The following GNB5 variants were observed in gnomAD, a reference collection of about 807,000 sequenced individuals.
The protein encoded by GNB5 is guanine nucleotide-binding protein subunit beta-5.
GNB5 carries 37 observed loss-of-function variants against 55.3 expected under a neutral mutation model. The ratio of observed to expected loss-of-function variants is 0.67; its 90% CI spans 0.51 to 0.88. The LOEUF (loss-of-function observed/expected upper bound fraction) is 0.88, where lower values mean the gene tolerates loss of function less well. GNB5 is among the 40% of genes least tolerant of loss of function. The pLI, the probability that GNB5 is intolerant of heterozygous loss-of-function variation, is 0.00. For synonymous variants in GNB5, 219 were observed against 198.5 expected, an observed-to-expected ratio of 1.10 and a Z score of -0.87; for missense variants, 476 against 515.3, an observed-to-expected ratio of 0.92 and a Z score of 0.74.
At chr15:52,155,878 T>C (rs1373559987) in intron 3 of GNB5, among the ~76,000 whole-genome samples, 1 of 152,196 alleles carries the variant, frequency 6.6e-6, no homozygotes, top group Non-Finnish European at 1.5e-5. Flanking sequence ...TACCATTTTA[T>C]CTTTTGTAAT....
chr15:52,173,500 TCTGAAGG>T (rs2034591466), intron 3 of GNB5, among the ~76,000 whole-genome samples: 1 of 152,188 alleles, frequency 6.6e-6, no homozygotes, highest in African/African-American at 2.4e-5. Flanking sequence ...ATACAACATG[TCTGAAGG>T]CTGAAGGCAA....
intron 9 of GNB5, 62 bp from the exon 10 acceptor site, chr15:52,128,306 C>T: frequency 1.0e-6 from 1 of 993,060 alleles, no homozygotes; most frequent in Non-Finnish European, 1.6e-6. Flanking sequence ...CCATCAGAAC[C>T]ATGCTAGGCC....
intron 1 of GNB5, among the ~76,000 whole-genome samples, chr15:52,188,410 ACTT>A (rs1407568149): frequency 6.6e-6 from 1 of 152,160 alleles, no homozygotes; most frequent in African/African-American, 2.4e-5. Flanking sequence ...ACTCAGAGAA[ACTT>A]CTTTTTACAT....
chr15:52,117,089 A>AATTTAT lies in GNB5; in HGVS notation c.*5667_*5668insATAAAT, dbSNP rs1243957202. ...CAGGCACCTGCCACCACGCCCAGCT[A>AATTTAT]ATATATATATATATTTTTTTTTAGT... On this transcript the variant is annotated 3_prime_UTR_variant, in exon 13 of 13. Coordinates refer to ENST00000261837, the MANE Select transcript of GNB5 (RefSeq NM_016194.4). 24 of 85,474 alleles carry AATTTAT rather than the reference A, an allele frequency of 2.8e-4. No individual in the cohort carries two copies. Among genetic ancestry groups the AATTTAT allele is most frequent in the African/African-American group, 2.4e-3 (21 of 8,828 alleles). 5.3% of individuals were successfully genotyped at this position (85,474 alleles called of 1,614,324 possible). A position where few individuals can be genotyped will look rare whatever the true frequency, so the allele number is the denominator to read the frequency against.
Position 52,119,333 on chromosome 15 carries a change from G to A in GNB5, c.*3424C>T, listed in dbSNP as rs1179167475. 1.1e-5 allele frequency: 1 copy of A among 87,382 alleles called. No individual in the cohort carries two copies. The highest frequency in any genetic ancestry group is 2.3e-5 in the Non-Finnish European group (1 of 44,138). 5.4% of individuals were successfully genotyped at this position (87,382 alleles called of 1,614,324 possible). On this transcript the variant is annotated 3_prime_UTR_variant, in exon 13 of 13. Coordinates refer to ENST00000261837, the MANE Select transcript of GNB5 (RefSeq NM_016194.4). ...TGAGAGGGAGGGAGGAGGGGTGACAGGAGGAAGGGAGGAGGAGATGGGAGG... is the reference window on the plus strand; with the variant it reads ...TGAGAGGGAGGGAGGAGGGGTGACAAGAGGAAGGGAGGAGGAGATGGGAGG...
chr15:52,146,978 G>A (rs1300144193), intron 6 of GNB5, among the ~76,000 whole-genome samples: 1 of 152,086 alleles, frequency 6.6e-6, no homozygotes, highest in Non-Finnish European at 1.5e-5. Flanking sequence ...GTTCCTGGAT[G>A]TGGAGTCACC....
intron 4 of GNB5, among the ~76,000 whole-genome samples, chr15:52,152,038 C>A (rs1470064656): frequency 6.6e-6 from 1 of 151,372 alleles, no homozygotes; most frequent in Non-Finnish European, 1.5e-5. Context: ...TTGTTTGTTT[C>A]TTTAATGTGG....
intron 1 of GNB5, among the ~76,000 whole-genome samples, chr15:52,190,587 G>A (rs1386697612): frequency 6.6e-6 from 1 of 152,026 alleles, no homozygotes; most frequent in Non-Finnish European, 1.5e-5. Context: ...AACCTAAAAA[G>A]CCTGACAACA....
Position 52,179,891 on chromosome 15 carries a change from G to T in GNB5, c.127-12C>A. 6.6e-7 allele frequency: 1 copy of T among 1,520,510 alleles called. No homozygotes were observed. The highest frequency in any genetic ancestry group is 8.8e-7 in the Non-Finnish European group (1 of 1,133,846). 94.2% of individuals were successfully genotyped at this position (1,520,510 alleles called of 1,614,324 possible). On this transcript the variant is annotated splice_polypyrimidine_tract_variant and intron_variant, in intron 2 of 12. Coordinates refer to ENST00000261837, the MANE Select transcript of GNB5 (RefSeq NM_016194.4). ...CCCTCGGTTGCCATCTTCGCGCGGGGACGCAGCGGAGAGGGAAGCGGAGAG... is the reference window on the plus strand; with the variant it reads ...CCCTCGGTTGCCATCTTCGCGCGGGTACGCAGCGGAGAGGGAAGCGGAGAG...
At chr15:52,153,263 C>T (rs867167593) in intron 4 of GNB5, among the ~76,000 whole-genome samples, 49 of 152,196 alleles carry the variant, frequency 3.2e-4, no homozygotes, top group African/African-American at 1.1e-3. Context: ...GGAACTGAGG[C>T]CTCCAGCCAA....
intron 8 of GNB5, 130 bp downstream of exon 8, chr15:52,135,483 G>A: frequency 1.2e-6 from 1 of 807,930 alleles, no homozygotes; most frequent in Non-Finnish European, 2.0e-6. Flanking sequence ...GTTTAGTGGG[G>A]AGTTGAGAAC....
chr15:52,125,628 G>T, intron 11 of GNB5: 1 of 196,902 alleles, frequency 5.1e-6, no homozygotes, highest in Admixed American at 5.8e-5. Context: ...AGTTCCCTTT[G>T]GGGCATGAAG....
chr15:52,185,107 C>A (rs1425494962), intron 1 of GNB5, among the ~76,000 whole-genome samples: 20 of 152,260 alleles, frequency 1.3e-4, no homozygotes, highest in African/African-American at 4.6e-4. Flanking sequence ...ATGATGGAGC[C>A]TGACCCCAAC....
rs376173834 is a variant in GNB5, at chr15:52,185,711, C to G, written c.-18-1017G>C. On this transcript the variant is annotated intron_variant, in intron 1 of 12. Transcript: ENST00000261837. ...CCAGAGAATCATGAAAATGAGACAG[C>G]AATAACGTTCTAGTCCCCACTTTGA... Among the ~76,000 whole-genome samples the G allele has an allele frequency of 5.9e-5, 9 of 151,508 alleles. No individual in the cohort carries two copies. In the East Asian group the frequency reaches 1.5e-3, roughly 26 times the overall value.
chr15:52,168,164 G>C (rs1402571518), intron 3 of GNB5, among the ~76,000 whole-genome samples: 2 of 152,336 alleles, frequency 1.3e-5, no homozygotes, highest in Middle Eastern at 3.4e-3. Flanking sequence ...AATCAGGCAA[G>C]AGAAAGAAAC....
At chr15:52,124,443 C>T (rs1331970478) in intron 12 of GNB5, 30 bp downstream of exon 12, 3 of 1,581,406 alleles carry the variant, frequency 1.9e-6, no homozygotes, top group South Asian at 2.3e-5. Context: ...TCCTCTCACA[C>T]ACAGGAAAAC....
At chr15:52,135,174 C>T (rs2033672219) in intron 8 of GNB5, among the ~76,000 whole-genome samples, 1 of 152,062 alleles carries the variant, frequency 6.6e-6, no homozygotes. Context: ...CCTCAAAGTC[C>T]TGGTGGCATC....
rs2033155157 is a variant in GNB5 at position 52,117,042 on chromosome 15, G to C, written c.*5715C>G. ...GGGTTCATGCCATTCTCCTGCCCCA[G>C]CCTCCCGAGCAGCTGGGACTACAGG... is the stretch of plus-strand genomic sequence containing the variant. On this transcript the variant is annotated 3_prime_UTR_variant, in exon 13 of 13. Coordinates refer to ENST00000261837, the MANE Select transcript of GNB5 (RefSeq NM_016194.4). 1 of 144,274 alleles carries C rather than the reference G, an allele frequency of 6.9e-6. No individual in the cohort carries two copies. Among genetic ancestry groups the C allele is most frequent in the African/African-American group, 2.6e-5 (1 of 38,618 alleles). 8.9% of individuals were successfully genotyped at this position (144,274 alleles called of 1,614,324 possible).
rs114984699 is a variant in GNB5 at position 52,179,923 on chromosome 15, T to C, written c.127-44A>G. 0.038 allele frequency: 55,575 copies of C among 1,464,190 alleles called. 1,289 individuals are homozygous for C. The highest frequency in any genetic ancestry group is 0.089 in the African/African-American group (6,011 of 67,768). The allele number at this position is 1,464,190 out of a possible 1,614,324, so 90.7% of individuals were successfully genotyped here. A position where few individuals can be genotyped will look rare whatever the true frequency, so the allele number is the denominator to read the frequency against. On this transcript the variant is annotated intron_variant, in intron 2 of 12. Coordinates refer to ENST00000261837, the MANE Select transcript of GNB5 (RefSeq NM_016194.4). ...CGGAGAGGGAAGCGGAGAGCGGGAA[T>C]GCGCTGAGCCGCGGCGGGCGCCGCT...
Sources: allele counts gnomAD v4.1 joint callset (sites outside exome capture counted in the v4.1 genomes callset), GRCh38; gene constraint gnomAD v4.1.1; transcripts MANE v1.5; gene names NCBI Gene and HGNC (gene_info 2026-07-23, HGNC 2026-07-21).